Variants in THSD7B observed in about 807,000 individuals in gnomAD.
THSD7B encodes thrombospondin type-1 domain-containing protein 7B.
THSD7B carries 138 observed loss-of-function variants against 213.6 expected under a neutral mutation model. The observed-to-expected ratio is 0.65, with a 90% CI of 0.56 to 0.74. The LOEUF (loss-of-function observed/expected upper bound fraction) is 0.74, where lower values mean the gene tolerates loss of function less well. THSD7B is among the 30% of genes least tolerant of loss of function. THSD7B has a pLI of 0.00. For missense variants in THSD7B, 1,931 were observed against 1,991.5 expected (o/e 0.97, Z 0.58); for synonymous variants, 742 against 687.0 (o/e 1.08, Z -1.25).
intron 5 of THSD7B, among the ~76,000 whole-genome samples, chr2:137,141,072 C>A (rs116067048): frequency 6.6e-6 from 1 of 152,092 alleles, no homozygotes; most frequent in African/African-American, 2.4e-5. Context: ...CTGGAATGTT[C>A]CCCAAGGAGG....
chr2:137,254,999 T>C (rs185061274), intron 10 of THSD7B, among the ~76,000 whole-genome samples: 1 of 152,302 alleles, frequency 6.6e-6, no homozygotes, highest in Admixed American at 6.5e-5. Context: ...TCATGTATAA[T>C]GTCATTTTAT....
At chr2:137,536,355 G>C (rs905375005) in intron 15 of THSD7B, among the ~76,000 whole-genome samples, 8 of 151,410 alleles carry the variant, frequency 5.3e-5, no homozygotes, top group African/African-American at 1.9e-4. Context: ...GGGAAGTTTA[G>C]GGTTAAAGAG....
chr2:136,954,728 A>AG (rs1357493223), intron 2 of THSD7B, among the ~76,000 whole-genome samples: 4 of 150,674 alleles, frequency 2.7e-5, no homozygotes, highest in Non-Finnish European at 5.9e-5. Flanking sequence ...AAAAAAAAAA[A>AG]AAAAAAGAAA....
At chr2:137,264,145 T>C (rs1682520477) in intron 10 of THSD7B, among the ~76,000 whole-genome samples, 1 of 152,192 alleles carries the variant, frequency 6.6e-6, no homozygotes, top group Non-Finnish European at 1.5e-5. Context: ...TGGTAAATGC[T>C]TCACTCTGAT....
chr2:136,936,255 G>T (rs1459776599), intron 2 of THSD7B, among the ~76,000 whole-genome samples: 1 of 151,982 alleles, frequency 6.6e-6, no homozygotes, highest in Non-Finnish European at 1.5e-5. Context: ...TATGGAAAAC[G>T]GTGTGGAGAT....
intron 1 of THSD7B, among the ~76,000 whole-genome samples, chr2:136,880,261 G>T (rs913556510): frequency 2.0e-5 from 3 of 152,070 alleles, no homozygotes; most frequent in African/African-American, 7.2e-5. Context: ...ATTATAACAA[G>T]CTATTTCTTT....
chr2:137,521,593 G>A (rs977155538), intron 15 of THSD7B, among the ~76,000 whole-genome samples: 3 of 152,152 alleles, frequency 2.0e-5, no homozygotes, highest in African/African-American at 7.2e-5. Context: ...TGGTACAGGG[G>A]AATAAAGTTG....
chr2:137,332,794 C>G (rs1274315998), intron 12 of THSD7B, among the ~76,000 whole-genome samples: 1 of 152,168 alleles, frequency 6.6e-6, no homozygotes, highest in Non-Finnish European at 1.5e-5. Flanking sequence ...TCTCCCTTCG[C>G]TCAGCTCTGT....
intron 7 of THSD7B, among the ~76,000 whole-genome samples, chr2:137,194,861 G>A (rs75373476): frequency 0.042 from 6,456 of 152,080 alleles, 472 homozygotes; most frequent in African/African-American, 0.15. Flanking sequence ...CATATCATCT[G>A]CATAAACATT....
chr2:137,641,825 C>A (rs1033022033), intron 20 of THSD7B, among the ~76,000 whole-genome samples: 1 of 152,092 alleles, frequency 6.6e-6, no homozygotes, highest in Admixed American at 6.6e-5. Flanking sequence ...TCATACAAGC[C>A]AACAACTTTA....
At chr2:137,074,228 T>G (rs1687566668) in intron 3 of THSD7B, among the ~76,000 whole-genome samples, 1 of 152,058 alleles carries the variant, frequency 6.6e-6, no homozygotes, top group African/African-American at 2.4e-5. Flanking sequence ...CTAAGTCTCT[T>G]TGTAGGTCAC....
At chr2:137,557,823 C>T (rs1681012633) in intron 15 of THSD7B, among the ~76,000 whole-genome samples, 2 of 152,064 alleles carry the variant, frequency 1.3e-5, no homozygotes, top group Admixed American at 1.3e-4. Context: ...ACTAGCAAGA[C>T]TAATAAAGAA....
chr2:136,949,134 G>T lies in THSD7B; in HGVS notation c.139+66817G>T, dbSNP rs1345441742. Among the ~76,000 whole-genome samples, 5 of 152,080 alleles carry T rather than the reference G, an allele frequency of 3.3e-5. No individual in the cohort carries two copies. The South Asian group carries it at 1.0e-3, about 32-fold the overall frequency. ...GGAAGTCAGCTGGGGGACAATTGTG[G>T]TTATCATTGGTACTGATTACCAAAG... On this transcript the variant is annotated intron_variant, in intron 2 of 27. Coordinates refer to ENST00000409968, the MANE Select transcript of THSD7B (RefSeq NM_001316349.2).
At chr2:137,368,149 G>A (rs983118202) in intron 12 of THSD7B, among the ~76,000 whole-genome samples, 3 of 151,866 alleles carry the variant, frequency 2.0e-5, no homozygotes, top group African/African-American at 7.3e-5. Context: ...GGCCCACTTT[G>A]TTTTCTGTCC....
chr2:137,526,510 C>T (rs1329463600), intron 15 of THSD7B, among the ~76,000 whole-genome samples: 3 of 152,196 alleles, frequency 2.0e-5, no homozygotes, highest in South Asian at 4.1e-4. Context: ...CAACCTCTGC[C>T]TCCTAGGTTC....
At chr2:137,186,132 C>A (rs1680546682) in intron 7 of THSD7B, among the ~76,000 whole-genome samples, 1 of 151,970 alleles carries the variant, frequency 6.6e-6, no homozygotes, top group South Asian at 2.1e-4. Context: ...GGATATTAGG[C>A]CTTTGTTGGA....
chr2:137,471,274 C>T (rs1900845), intron 15 of THSD7B, among the ~76,000 whole-genome samples: 151,885 of 152,294 alleles, frequency 1, 75,742 homozygotes, highest in Middle Eastern at 1. Flanking sequence ...CCCTTAATAT[C>T]TGTGATTTGG....
At chr2:137,504,784 C>T (rs535693910) in intron 15 of THSD7B, among the ~76,000 whole-genome samples, 1 of 152,238 alleles carries the variant, frequency 6.6e-6, no homozygotes, top group African/African-American at 2.4e-5. Context: ...TTCTGCAGAT[C>T]AGGAAAGCTG....
At chr2:137,448,836 C>CAACAACAACAACAACAAA (rs765115799) in intron 14 of THSD7B, among the ~76,000 whole-genome samples, 5 of 147,478 alleles carry the variant, frequency 3.4e-5, no homozygotes, top group African/African-American at 1.3e-4. Context: ...ACAACAACAA[C>CAACAACAACAACAACAAA]AAAAACTACC....
Sources: gnomAD v4.1 joint callset for allele counts (sites outside exome capture counted in the v4.1 genomes callset) on GRCh38, gnomAD v4.1.1 for gene constraint, MANE v1.5 for transcripts, NCBI Gene and HGNC (gene_info 2026-07-23, HGNC 2026-07-21) for gene names.